Variants in ZNF385D observed in about 807,000 individuals in gnomAD.
The protein encoded by ZNF385D is zinc finger protein 659.
In ZNF385D, 15 loss-of-function variants were observed where a neutral mutation model predicts 35.8. The observed-to-expected ratio is 0.42, with a 90% CI of 0.28 to 0.64. The LOEUF (loss-of-function observed/expected upper bound fraction) is 0.64, where lower values mean the gene tolerates loss of function less well. ZNF385D is among the 30% of genes least tolerant of loss of function. ZNF385D has a pLI of 0.23. For missense variants in ZNF385D, 474 were observed against 494.6 expected, an observed-to-expected ratio of 0.96 and a Z score of 0.39; for synonymous variants, 212 against 186.8, an observed-to-expected ratio of 1.13 and a Z score of -1.10.
At chr3:22,039,151 C>CA (rs1248151664) in intron 3 of ZNF385D, among the ~76,000 whole-genome samples, 2 of 142,602 alleles carry the variant, frequency 1.4e-5, no homozygotes, top group Admixed American at 7.4e-5. Context: ...TAAAAAGTAG[C>CA]AAAAAACCTC....
At chr3:21,718,003 A>G (rs1190196547) in intron 1 of ZNF385D, among the ~76,000 whole-genome samples, 1 of 152,186 alleles carries the variant, frequency 6.6e-6, no homozygotes, top group Non-Finnish European at 1.5e-5. Flanking sequence ...CAAAGTTTCA[A>G]ATTCAATAAG....
intron 3 of ZNF385D, among the ~76,000 whole-genome samples, chr3:21,839,519 A>G (rs1336187493): frequency 1.3e-5 from 2 of 152,116 alleles, no homozygotes; most frequent in Admixed American, 1.3e-4. Flanking sequence ...AGCTCCCAAG[A>G]AAAACTCAAA....
chr3:21,933,188 C>T (rs1476427141), intron 3 of ZNF385D, among the ~76,000 whole-genome samples: 2 of 152,174 alleles, frequency 1.3e-5, no homozygotes. Context: ...ACACTTGATT[C>T]AATTTTTTTC....
At chr3:22,058,597 A>G (rs989010076) in intron 3 of ZNF385D, among the ~76,000 whole-genome samples, 1 of 152,240 alleles carries the variant, frequency 6.6e-6, no homozygotes, top group Non-Finnish European at 1.5e-5. Flanking sequence ...TAATTTCAGG[A>G]TTATAAACTA....
At chr3:22,183,645 C>G (rs1039142491) in intron 2 of ZNF385D, among the ~76,000 whole-genome samples, 1 of 152,164 alleles carries the variant, frequency 6.6e-6, no homozygotes, top group East Asian at 1.9e-4. Context: ...ACCAAGGATT[C>G]TTTATGAAAG....
At chr3:21,837,211 T>C (rs1007881313) in intron 3 of ZNF385D, among the ~76,000 whole-genome samples, 2 of 152,144 alleles carry the variant, frequency 1.3e-5, no homozygotes, top group South Asian at 2.1e-4. Context: ...AAATCTATTC[T>C]AGCAGTTGAA....
chr3:22,123,600 C>G lies in ZNF385D; in HGVS notation c.325+45217G>C, dbSNP rs145777898. Among the ~76,000 whole-genome samples, 87 of 152,282 alleles carry G rather than the reference C, an allele frequency of 5.7e-4. 1 individual carries two copies. In the East Asian group the frequency reaches 0.015, roughly 26 times the overall value. ...CTGGGCCGGGCGCGGTGGCTGACGC[C>G]TTTAATCCCAACACTATGGGAGGCC... is the stretch of plus-strand genomic sequence containing the variant. On this transcript the variant is annotated intron_variant, in intron 3 of 5. Transcript: ENST00000494108.
intron 3 of ZNF385D, among the ~76,000 whole-genome samples, chr3:21,758,988 A>AAAAAC (rs2070475132): frequency 2.1e-5 from 3 of 145,132 alleles, no homozygotes; most frequent in Admixed American, 1.4e-4. Context: ...AAAAAAAAAA[A>AAAAAC]AAAAAAAAAA....
chr3:21,471,435 G>A (rs1366520097), intron 4 of ZNF385D, among the ~76,000 whole-genome samples: 1 of 151,880 alleles, frequency 6.6e-6, no homozygotes, highest in Non-Finnish European at 1.5e-5. Context: ...TGCCAATATT[G>A]CAGAGGTTCC....
At chr3:22,227,816 T>C (rs1698651328) in intron 2 of ZNF385D, among the ~76,000 whole-genome samples, 1 of 152,152 alleles carries the variant, frequency 6.6e-6, no homozygotes, top group African/African-American at 2.4e-5. Flanking sequence ...AATTTACATA[T>C]AATTAAAGTA....
chr3:21,873,444 A>C (rs1345937331), intron 3 of ZNF385D, among the ~76,000 whole-genome samples: 1 of 152,084 alleles, frequency 6.6e-6, no homozygotes, highest in Non-Finnish European at 1.5e-5. Context: ...CATTTTTTCT[A>C]TGTATCTACT....
At chr3:21,706,585 CTACTT>C (rs1197011799) in intron 1 of ZNF385D, among the ~76,000 whole-genome samples, 1 of 152,132 alleles carries the variant, frequency 6.6e-6, no homozygotes, top group African/African-American at 2.4e-5. Flanking sequence ...AAACTCATGT[CTACTT>C]TATAATGCTA....
intron 2 of ZNF385D, among the ~76,000 whole-genome samples, chr3:22,348,616 G>T (rs1200936714): frequency 1.4e-5 from 2 of 144,234 alleles, no homozygotes; most frequent in Non-Finnish European, 3.0e-5. Flanking sequence ...GGTGAGCCGA[G>T]ATCACGCCAT....
chr3:21,588,043 A>G (rs968647282), intron 2 of ZNF385D, among the ~76,000 whole-genome samples: 1 of 152,204 alleles, frequency 6.6e-6, no homozygotes, highest in African/African-American at 2.4e-5. Flanking sequence ...AGGCACTGTG[A>G]CTAAGCCTGA....
chr3:22,084,090 C>T (rs916091146), intron 3 of ZNF385D, among the ~76,000 whole-genome samples: 6 of 152,186 alleles, frequency 3.9e-5, no homozygotes, highest in African/African-American at 1.4e-4. Context: ...AAGCACTAAA[C>T]ATGGAAAGGA....
intron 1 of ZNF385D, among the ~76,000 whole-genome samples, chr3:21,727,685 T>C (rs879286376): frequency 3.7e-4 from 56 of 152,312 alleles, no homozygotes; most frequent in Non-Finnish European, 7.5e-4. Context: ...GGAGAGGATG[T>C]GGAGAAATAG....
intron 3 of ZNF385D, among the ~76,000 whole-genome samples, chr3:21,969,912 G>A (rs560034606): frequency 6.6e-6 from 1 of 152,154 alleles, no homozygotes; most frequent in Admixed American, 6.5e-5. Flanking sequence ...AAGAGTCTCT[G>A]CCTGGTATTC....
intron 1 of ZNF385D, among the ~76,000 whole-genome samples, chr3:21,700,066 A>G (rs199689236): frequency 3.3e-5 from 5 of 152,146 alleles, no homozygotes; most frequent in East Asian, 3.9e-4. Context: ...TCCTGACTTC[A>G]GGTGATCAAA....
At chr3:22,348,740 G>A (rs921343421) in intron 2 of ZNF385D, among the ~76,000 whole-genome samples, 1 of 152,024 alleles carries the variant, frequency 6.6e-6, no homozygotes, top group African/African-American at 2.4e-5. Context: ...ACTTATAGGG[G>A]AATATCATGT....
Sources: gnomAD v4.1 joint callset for allele counts (sites outside exome capture counted in the v4.1 genomes callset) on GRCh38, gnomAD v4.1.1 for gene constraint, MANE v1.5 for transcripts, NCBI Gene and HGNC (gene_info 2026-07-23, HGNC 2026-07-21) for gene names.